Variants in PIWIL2 observed in about 807,000 individuals in gnomAD.
PIWIL2 encodes the protein piwi-like protein 2.
In PIWIL2, 81 loss-of-function variants were observed where a neutral mutation model predicts 116.5. That is an observed-to-expected ratio of 0.70 (90% CI 0.58 to 0.84). The LOEUF (loss-of-function observed/expected upper bound fraction) is 0.84. PIWIL2 is among the 40% of genes least tolerant of loss of function. The pLI is 0.00. For synonymous variants in PIWIL2, 489 were observed against 429.5 expected, an observed-to-expected ratio of 1.14 and a Z score of -1.71; for missense variants, 1,272 against 1,212.3, an observed-to-expected ratio of 1.05 and a Z score of -0.73.
At chr8:22,348,465 G>A (rs956805667) in intron 20 of PIWIL2, among the ~76,000 whole-genome samples, 14 of 152,150 alleles carry the variant, frequency 9.2e-5, no homozygotes, top group African/African-American at 1.9e-4. Flanking sequence ...AGTGCTAAGG[G>A]ATACTAAAAT....
At chr8:22,288,141 A>T (rs927001125) in intron 7 of PIWIL2, among the ~76,000 whole-genome samples, 1 of 151,654 alleles carries the variant, frequency 6.6e-6, no homozygotes, top group African/African-American at 2.4e-5. Flanking sequence ...TACTAAAAAT[A>T]AAAAAAATTA....
rs375806332 is a variant in PIWIL2, at chr8:22,294,899, G to GAAAAA, written c.1181+4553_1181+4554insAAAAA. Among the ~76,000 whole-genome samples the GAAAAA allele has an allele frequency of 1.0e-3, 83 of 79,406 alleles. 17 individuals are homozygous for GAAAAA. Among genetic ancestry groups the GAAAAA allele is most frequent in the Middle Eastern group, 7.8e-3 (1 of 128 alleles). 52.1% of individuals were successfully genotyped at this position (79,406 alleles called of 152,430 possible). ...AACATGGTGAAATCCCATCTTTACTGGAAAAAAAAAAAAAAAAAAAAAAAA... is the reference window on the plus strand; with the variant it reads ...AACATGGTGAAATCCCATCTTTACTGAAAAAGAAAAAAAAAAAAAAAAAAAAAAAA... On this transcript the variant is annotated intron_variant, in intron 10 of 22. Coordinates refer to ENST00000356766, the MANE Select transcript of PIWIL2 (RefSeq NM_018068.5).
In PIWIL2 at chr8:22,353,169, A is replaced by G; in HGVS notation, c.2614A>G (p.Thr872Ala). Residue 872 changes from threonine to alanine, a missense_variant, in exon 21 of 23, where the codon ACT (threonine) becomes GCT (alanine). Physicochemically the swap from Thr to Ala is moderately conservative, Grantham distance 58 (BLOSUM62 0). Transcript: ENST00000356766. ...TGCTCCTCAGAACTTTGTAACTCCC[A>G]CTCCTGGAACTGTGGTAGATCATAC... ...LAAPQNFVTP[T>A]PGTVVDHTIT... 1 of 1,613,842 alleles carries G rather than the reference A, an allele frequency of 6.2e-7. No individual in the cohort carries two copies. Among genetic ancestry groups the G allele is most frequent in the South Asian group, 1.1e-5 (1 of 91,052 alleles).
intron 20 of PIWIL2, among the ~76,000 whole-genome samples, chr8:22,346,437 C>T (rs984636481): frequency 8.5e-5 from 13 of 152,178 alleles, no homozygotes; most frequent in Non-Finnish European, 1.0e-4. Flanking sequence ...TGGGATGCAT[C>T]TAAGGCCTTC....
At position 22,296,040 on chromosome 8, in the gene PIWIL2, T is replaced by G. The variant is rs1321827351; in HGVS notation, c.1181+5694T>G. Among the ~76,000 whole-genome samples the G allele has an allele frequency of 1.6e-3, 46 of 28,588 alleles. 1 individual carries two copies. Among genetic ancestry groups the G allele is most frequent in the East Asian group, 5.5e-3 (1 of 182 alleles). 18.8% of individuals were successfully genotyped at this position (28,588 alleles called of 152,430 possible). On this transcript the variant is annotated intron_variant, in intron 10 of 22. Transcript: ENST00000356766. ...CCCTTCTTTTTTTTTTTTTTTTTTTTTTTTTTTTTTTTTTTTTTGTTGTTG... is the reference window on the plus strand; with the variant it reads ...CCCTTCTTTTTTTTTTTTTTTTTTTGTTTTTTTTTTTTTTTTTTGTTGTTG...
chr8:22,284,107 T>G (rs1329054965), intron 5 of PIWIL2, 55 bp from the exon 6 acceptor site: 16 of 892,216 alleles, frequency 1.8e-5, no homozygotes, highest in Non-Finnish European at 2.4e-5. Context: ...GTTGGTTAGT[T>G]ATTTTGTTTT....
chr8:22,309,089 G>A (rs919717655), intron 14 of PIWIL2, among the ~76,000 whole-genome samples: 1 of 151,912 alleles, frequency 6.6e-6, no homozygotes, highest in Non-Finnish European at 1.5e-5. Flanking sequence ...AGCTTCCCAA[G>A]TAGCTGGGAT....
At position 22,304,731 on chromosome 8, in the gene PIWIL2, T is replaced by C; in HGVS notation, c.1371-53T>C. On this transcript the variant is annotated intron_variant, in intron 11 of 22. Coordinates refer to ENST00000356766, the MANE Select transcript of PIWIL2 (RefSeq NM_018068.5). ...TTAAGAGACTCAGACTATGGTGCTC[T>C]AAGAGTATTGATGCTGCTTCTGAAA... 4 of 998,756 alleles carry C rather than the reference T, an allele frequency of 4.0e-6. No homozygotes were observed. The South Asian group carries it at 5.1e-5, about 13-fold the overall frequency. The allele number at this position is 998,756 out of a possible 1,614,324, so 61.9% of individuals were successfully genotyped here. A position where few individuals can be genotyped will look rare whatever the true frequency, so the allele number is the denominator to read the frequency against.
chr8:22,352,259 G>A (rs1200631839), intron 20 of PIWIL2, among the ~76,000 whole-genome samples: 1 of 152,186 alleles, frequency 6.6e-6, no homozygotes, highest in Non-Finnish European at 1.5e-5. Context: ...TTGAATTATT[G>A]AAGTTGAACA....
intron 5 of PIWIL2, 48 bp downstream of exon 5, chr8:22,283,288 T>A: frequency 6.8e-7 from 1 of 1,465,498 alleles, no homozygotes; most frequent in Non-Finnish European, 9.5e-7. Context: ...TCGTGAAAAC[T>A]CTGCATTTTG....
chr8:22,306,719 A>G (rs896285758), intron 13 of PIWIL2, among the ~76,000 whole-genome samples: 1 of 152,238 alleles, frequency 6.6e-6, no homozygotes, highest in African/African-American at 2.4e-5. Context: ...CTTGAAGTGA[A>G]GCTCCAAATT....
chr8:22,308,591 TG>T (rs1831246031), intron 14 of PIWIL2, among the ~76,000 whole-genome samples: 2 of 152,046 alleles, frequency 1.3e-5, no homozygotes, highest in African/African-American at 4.8e-5. Context: ...AGGTGGAGGT[TG>T]CAGTGAGCCA....
chr8:22,316,257 G>A lies in PIWIL2; in HGVS notation c.2221G>A (p.Val741Met). ...GVDIPLKQLM[V>M]IGMDVYHDPS... ...TTTTCTAAACTAGAAACAGTTAATG[G>A]TGATCGGGATGGATGTTTACCATGA... is the stretch of plus-strand genomic sequence containing the variant. Residue 741 changes from valine to methionine, a missense_variant, in exon 19 of 23, where the codon GTG becomes ATG. Transcript: ENST00000356766. 1 of 1,611,432 alleles carries A rather than the reference G, an allele frequency of 6.2e-7. No homozygotes were observed. Among genetic ancestry groups the A allele is most frequent in the Non-Finnish European group, 8.5e-7 (1 of 1,177,592 alleles).
chr8:22,288,773 G>T, intron 8 of PIWIL2, 107 bp downstream of exon 8: 1 of 972,904 alleles, frequency 1.0e-6, no homozygotes, highest in Non-Finnish European at 1.5e-6. Flanking sequence ...ATTCTAGATG[G>T]GTTTGGAAGC....
chr8:22,351,608 G>A (rs191423525), intron 20 of PIWIL2, among the ~76,000 whole-genome samples: 3,433 of 149,546 alleles, frequency 0.023, 72 homozygotes, highest in Middle Eastern at 0.045. Flanking sequence ...TGCAATCTTG[G>A]CTCACTGCAA....
At chr8:22,275,894 G>C (rs754561249) in intron 1 of PIWIL2, 1 of 152,276 alleles carries the variant, frequency 6.6e-6, no homozygotes, top group African/African-American at 2.4e-5. Flanking sequence ...CTGATCCCAG[G>C]GGGAAACCCA....
intron 21 of PIWIL2, 79 bp downstream of exon 21, chr8:22,353,291 G>T: frequency 7.7e-7 from 1 of 1,294,780 alleles, no homozygotes; most frequent in Non-Finnish European, 1.1e-6. Flanking sequence ...GGAATGGGGA[G>T]GTTTCCTGGA....
chr8:22,287,481 T>G, intron 6 of PIWIL2, 47 bp from the exon 7 acceptor site: 1 of 1,171,888 alleles, frequency 8.5e-7, no homozygotes. Flanking sequence ...TGGTAAAGAT[T>G]GCAGTTTGAG....
chr8:22,283,385 A>G, intron 5 of PIWIL2, 145 bp downstream of exon 5: 1 of 640,652 alleles, frequency 1.6e-6, no homozygotes, highest in South Asian at 1.8e-5. Context: ...TGCCAGTGGG[A>G]GATTGACAAA....
Sources: gnomAD v4.1 joint callset for allele counts (sites outside exome capture counted in the v4.1 genomes callset) on GRCh38, gnomAD v4.1.1 for gene constraint, MANE v1.5 for transcripts, NCBI Gene and HGNC (gene_info 2026-07-23, HGNC 2026-07-21) for gene names.